The following RBM11 variants were observed in gnomAD, a reference collection of about 807,000 sequenced individuals.
RBM11 encodes RNA binding motif protein 11.
Under a neutral mutation model 21.4 loss-of-function variants are expected in RBM11, and 18 were observed. The ratio of observed to expected loss-of-function variants is 0.84; its 90% CI spans 0.58 to 1.25. The LOEUF is 1.25. Ranked by LOEUF, RBM11 falls within the 50% of genes most tolerant of loss-of-function variation. RBM11 has a pLI of 0.00. For synonymous variants in RBM11, 120 were observed against 116.3 expected (o/e 1.03, Z -0.20); for missense variants, 294 against 331.9 (o/e 0.89, Z 0.89).
Position 14,224,552 on chromosome 21 carries a change from C to T in RBM11, c.432+15C>T. The T allele has an allele frequency of 6.5e-7, 1 of 1,541,014 alleles. No individual in the cohort carries two copies. Among genetic ancestry groups the T allele is most frequent in the Non-Finnish European group, 8.7e-7 (1 of 1,143,820 alleles). On this transcript the variant is annotated intron_variant, in intron 4 of 4. Transcript: ENST00000400577. ...TTCAGAAGATGGTAAGTTTAATATG[C>T]ATTTTATTTAGTATATAATATGATA... is the stretch of plus-strand genomic sequence containing the variant.
intron 3 of RBM11, 80 bp from the exon 4 acceptor site, chr21:14,224,358 T>C (rs901548030): frequency 2.1e-5 from 31 of 1,486,002 alleles, no homozygotes; most frequent in Admixed American, 1.5e-4. Context: ...TGAGGAAAGA[T>C]AGTGGTTTTT....
At chr21:14,226,811 G>T in intron 4 of RBM11, 69 bp from the exon 5 acceptor site, 4 of 1,540,018 alleles carry the variant, frequency 2.6e-6, no homozygotes. Context: ...TATAATACAT[G>T]TAAACTGTTA....
At chr21:14,222,058 G>A (rs1978708816) in intron 3 of RBM11, among the ~76,000 whole-genome samples, 1 of 151,952 alleles carries the variant, frequency 6.6e-6, no homozygotes, top group African/African-American at 2.4e-5. Context: ...ATCCGTTCTT[G>A]CAAAGGGAAA....
chr21:14,217,843 G>C (rs1978343828), intron 1 of RBM11, among the ~76,000 whole-genome samples: 1 of 152,146 alleles, frequency 6.6e-6, no homozygotes, highest in African/African-American at 2.4e-5. Context: ...ACTGGGGTGG[G>C]ATTGCATTAT....
At position 14,227,521 on chromosome 21, in the gene RBM11, T is replaced by G; in HGVS notation, c.*228T>G. ...ATTTGTCATGATATTTTTGACCCAT[T>G]GGCAACAAATAGACTATTGTCATTT... On this transcript the variant is annotated 3_prime_UTR_variant, in exon 5 of 5. Coordinates refer to ENST00000400577, the MANE Select transcript of RBM11 (RefSeq NM_144770.5). 1 of 508,624 alleles carries G rather than the reference T, an allele frequency of 2.0e-6. No individual in the cohort carries two copies. The highest frequency in any genetic ancestry group is 2.9e-5 in the South Asian group (1 of 33,922). 31.5% of individuals were successfully genotyped at this position (508,624 alleles called of 1,614,324 possible).
At chr21:14,226,468 A>C (rs1979090198) in intron 4 of RBM11, among the ~76,000 whole-genome samples, 1 of 151,972 alleles carries the variant, frequency 6.6e-6, no homozygotes, top group South Asian at 2.1e-4. Context: ...AAAATACAAA[A>C]ATTAGCTGGG....
Position 14,227,189 on chromosome 21 carries a change from A to G in RBM11, c.742A>G (p.Lys248Glu). 1 of 1,614,074 alleles carries G rather than the reference A, an allele frequency of 6.2e-7. No homozygotes were observed. Among genetic ancestry groups the G allele is most frequent in the African/African-American group, 1.3e-5 (1 of 75,076 alleles). ...TGACCTTTATCAGATGAATAAACGA[A>G]AGAGACAAAAGCAAACAAGTGATAG... ...DSDLYQMNKR[K>E]RQKQTSDSDS... The change falls in exon 5 of 5, where the codon AAG becomes GAG. Residue 248 changes from lysine (K) to glutamate (E), a missense_variant. This residue lies in a region of RBM11 where 113 missense variants were observed against 167.3 expected (regional missense o/e 0.68). Transcript: ENST00000400577.
intron 2 of RBM11, among the ~76,000 whole-genome samples, chr21:14,220,361 G>A (rs1978563426): frequency 6.6e-6 from 1 of 152,134 alleles, no homozygotes; most frequent in Non-Finnish European, 1.5e-5. Flanking sequence ...TCATGTTTCA[G>A]GAGACTAATA....
At chr21:14,221,393 G>C (rs761462957) in intron 3 of RBM11, 8 of 397,290 alleles carry the variant, frequency 2.0e-5, no homozygotes, top group Non-Finnish European at 3.3e-5. Context: ...TATATTTGTA[G>C]TTTTTTATAG....
At chr21:14,218,612 T>G (rs540829378) in intron 1 of RBM11, among the ~76,000 whole-genome samples, 69 of 152,292 alleles carry the variant, frequency 4.5e-4, no homozygotes, top group African/African-American at 1.4e-3. Flanking sequence ...AGACTAAATC[T>G]TAACACACAG....
chr21:14,218,295 T>A (rs1978379829), intron 1 of RBM11, among the ~76,000 whole-genome samples: 1 of 152,198 alleles, frequency 6.6e-6, no homozygotes, highest in African/African-American at 2.4e-5. Context: ...TCACCAATTT[T>A]ATTGGTTTTT....
At chr21:14,225,772 G>A (rs190976934) in intron 4 of RBM11, among the ~76,000 whole-genome samples, 3 of 152,166 alleles carry the variant, frequency 2.0e-5, no homozygotes, top group African/African-American at 7.2e-5. Flanking sequence ...TAGAGATGGG[G>A]TAGGAGAGAG....
chr21:14,217,915 G>A (rs1978348210), intron 1 of RBM11, among the ~76,000 whole-genome samples: 1 of 152,106 alleles, frequency 6.6e-6, no homozygotes, highest in South Asian at 2.1e-4. Context: ...GGATCCACAA[G>A]ACTATATATT....
chr21:14,219,486 C>A (rs1196182590), intron 1 of RBM11, 77 bp from the exon 2 acceptor site: 4 of 1,134,416 alleles, frequency 3.5e-6, no homozygotes, highest in Non-Finnish European at 4.8e-6. Flanking sequence ...TTTCTTTAGT[C>A]TAAAGTTGAA....
chr21:14,223,045 C>A (rs560412183), intron 3 of RBM11, among the ~76,000 whole-genome samples: 1 of 152,022 alleles, frequency 6.6e-6, no homozygotes, highest in Non-Finnish European at 1.5e-5. Context: ...AAGATTTAGA[C>A]GGAAGAGAAA....
chr21:14,216,919 G>A (rs987364199), intron 1 of RBM11, among the ~76,000 whole-genome samples: 16 of 152,052 alleles, frequency 1.1e-4, no homozygotes, highest in African/African-American at 3.6e-4. Flanking sequence ...ATACAGCTAG[G>A]TATCACTTGC....
intron 3 of RBM11, 29 bp from the exon 4 acceptor site, chr21:14,224,409 T>G (rs1978918835): frequency 6.6e-7 from 1 of 1,525,050 alleles, no homozygotes; most frequent in Non-Finnish European, 8.8e-7. Flanking sequence ...TTTTAAGATT[T>G]TATTACTTCT....
chr21:14,216,290 C>G lies in RBM11; in HGVS notation c.96+8C>G. On this transcript the variant is annotated splice_region_variant and intron_variant, in intron 1 of 4. Transcript: ENST00000400577. ...TACGAGCTGTTCCTTCAGGTACCGT[C>G]TCTGGGAAGGGGCGGCGGAGGGGCG... The G allele has an allele frequency of 1.9e-6, 3 of 1,612,190 alleles. No homozygotes were observed. Among genetic ancestry groups the G allele is most frequent in the Non-Finnish European group, 2.5e-6 (3 of 1,178,914 alleles).
chr21:14,224,625 T>C, intron 4 of RBM11, 88 bp downstream of exon 4: 3 of 1,457,380 alleles, frequency 2.1e-6, no homozygotes, highest in Non-Finnish European at 2.7e-6. Flanking sequence ...GGTGCCCAAA[T>C]CTAAACTGGG....
Sources: gnomAD v4.1 joint callset for allele counts (sites outside exome capture counted in the v4.1 genomes callset) on GRCh38, gnomAD v4.1.1 for gene constraint, gnomAD v4.1.1 regional missense constraint, MANE v1.5 for transcripts, NCBI Gene and HGNC (gene_info 2026-07-23, HGNC 2026-07-21) for gene names.